The following SORCS1 variants were observed in gnomAD, a reference collection of about 807,000 sequenced individuals.
The protein encoded by SORCS1 is sortilin related VPS10 domain containing receptor 1.
Under a neutral mutation model 146.1 loss-of-function variants are expected in SORCS1, and 60 were observed. The ratio of observed to expected loss-of-function variants is 0.41; its 90% CI spans 0.33 to 0.51. SORCS1 has a LOEUF of 0.51. Among genes scored for constraint, SORCS1 ranks in the 20% least tolerant of loss-of-function variants. The pLI, the probability that SORCS1 is intolerant of heterozygous loss-of-function variation, is 0.21. For synonymous variants in SORCS1, 637 were observed against 584.0 expected (o/e 1.09, Z -1.31); for missense variants, 1,352 against 1,487.6 (o/e 0.91, Z 1.50).
chr10:106,949,437 A>G (rs822095), intron 2 of SORCS1, among the ~76,000 whole-genome samples: 115,014 of 151,996 alleles, frequency 0.76, 44,203 homozygotes, highest in African/African-American at 0.9. Context: ...TAACAAACAC[A>G]CAGGTGAGTT....
At chr10:106,655,311 ATGACCAG>A in intron 17 of SORCS1, among the ~76,000 whole-genome samples, 1 of 152,330 alleles carries the variant, frequency 6.6e-6, no homozygotes, top group South Asian at 2.1e-4. Context: ...TAGCAAAAAA[ATGACCAG>A]TGATGTCACC....
chr10:106,780,876 C>T (rs990645125), intron 3 of SORCS1, among the ~76,000 whole-genome samples: 1 of 152,140 alleles, frequency 6.6e-6, no homozygotes, highest in Non-Finnish European at 1.5e-5. Flanking sequence ...AGCAATCATT[C>T]ATCACCCACT....
chr10:106,847,872 A>G (rs980720854), intron 2 of SORCS1, among the ~76,000 whole-genome samples: 4 of 149,618 alleles, frequency 2.7e-5, no homozygotes, highest in African/African-American at 5.0e-5. Context: ...CAGGTTGTTC[A>G]GTTTCCATGT....
Position 106,956,513 on chromosome 10 carries a change from C to T in SORCS1, c.626G>A (p.Arg209Lys). The T allele has an allele frequency of 6.2e-7, 1 of 1,613,886 alleles. No homozygotes were observed. The highest frequency in any genetic ancestry group is 8.5e-7 in the Non-Finnish European group (1 of 1,179,814). ...LGSITESSLWRSTDYGTTYEK... is the reference protein window; with the variant it reads ...LGSITESSLWKSTDYGTTYEK... ...TTATTAGCTCCATTTATCTACATAC[C>T]TCCAAAGCGAGCTCTCTGTGATGCT... is the stretch of plus-strand genomic sequence containing the variant. Residue 209 changes from arginine to lysine, a missense_variant and splice_region_variant, in exon 2 of 26, where the codon AGG becomes AAG. This residue lies in a region of SORCS1 where 490 missense variants were observed against 489.1 expected (regional missense o/e 1.00). Coordinates refer to ENST00000263054, the MANE Select transcript of SORCS1 (RefSeq NM_052918.5).
chr10:107,055,573 T>G (rs1024513572), intron 1 of SORCS1, among the ~76,000 whole-genome samples: 2 of 152,274 alleles, frequency 1.3e-5, no homozygotes, highest in Non-Finnish European at 2.9e-5. Flanking sequence ...GTAAGTGTGC[T>G]CTGCAGGATT....
rs531371997 is a variant in SORCS1, at chr10:106,948,918, G to A, written c.626+7595C>T. 3.7e-3 allele frequency among the ~76,000 whole-genome samples: 562 copies of A among 151,960 alleles called. 3 individuals carry two copies. Among genetic ancestry groups the A allele is most frequent in the Non-Finnish European group, 5.9e-3 (403 of 67,992 alleles). ...GGAGCTTGCAGTAAGCTGAGATCAC[G>A]CCACTGCACTTCAACCTAGGAGACA... On this transcript the variant is annotated intron_variant, in intron 2 of 25. Coordinates refer to ENST00000263054, the MANE Select transcript of SORCS1 (RefSeq NM_052918.5).
the SORCS1 span, among the ~76,000 whole-genome samples, chr10:107,171,514 C>T: frequency 7.7e-5 from 9 of 117,288 alleles, no homozygotes; most frequent in African/African-American, 9.6e-5. Flanking sequence ...GGGAATCCCC[C>T]TTTTTTTTTT....
At chr10:106,623,941 C>T (rs897876352) in intron 19 of SORCS1, among the ~76,000 whole-genome samples, 6 of 151,974 alleles carry the variant, frequency 3.9e-5, no homozygotes, top group Non-Finnish European at 7.4e-5. Flanking sequence ...ACCTCGGCCC[C>T]CCCAAAGTGC....
intron 17 of SORCS1, among the ~76,000 whole-genome samples, chr10:106,661,166 T>C (rs1196126887): frequency 6.6e-6 from 1 of 152,236 alleles, no homozygotes; most frequent in African/African-American, 2.4e-5. Context: ...CATACTGAGA[T>C]ATTTATAGAT....
chr10:106,606,381 G>C (rs1202052345), intron 23 of SORCS1, among the ~76,000 whole-genome samples: 3 of 151,898 alleles, frequency 2.0e-5, no homozygotes, highest in Non-Finnish European at 4.4e-5. Context: ...GGGCAGTAGA[G>C]TTGCTCGGGA....
At chr10:106,764,795 G>A (rs889960155) in intron 4 of SORCS1, among the ~76,000 whole-genome samples, 5 of 152,116 alleles carry the variant, frequency 3.3e-5, no homozygotes, top group East Asian at 1.9e-4. Context: ...AGGGCGAGGC[G>A]GGCGGATCAC....
At chr10:107,084,656 T>C (rs568620300) in intron 1 of SORCS1, among the ~76,000 whole-genome samples, 1 of 152,270 alleles carries the variant, frequency 6.6e-6, no homozygotes, top group South Asian at 2.1e-4. Context: ...TAGTTACAAA[T>C]GCAAGCTAAT....
At chr10:106,812,899 C>T (rs1177660143) in intron 3 of SORCS1, among the ~76,000 whole-genome samples, 1 of 151,904 alleles carries the variant, frequency 6.6e-6, no homozygotes, top group Non-Finnish European at 1.5e-5. Flanking sequence ...TGATCAGAGC[C>T]CATGAAAAAA....
intron 3 of SORCS1, among the ~76,000 whole-genome samples, chr10:106,825,442 T>G (rs542942708): frequency 6.6e-6 from 1 of 151,908 alleles, no homozygotes; most frequent in East Asian, 1.9e-4. Context: ...TGGCTAATTA[T>G]TTTGTATTTT....
rs1844555459 is a variant in SORCS1 at position 106,575,910 on chromosome 10, C to T, written c.*1510G>A. 1.3e-5 allele frequency: 2 copies of T among 152,596 alleles called. No homozygotes were observed. Among genetic ancestry groups the T allele is most frequent in the South Asian group, 4.1e-4 (2 of 4,824 alleles). 9.5% of individuals were successfully genotyped at this position (152,596 alleles called of 1,614,324 possible). A position where few individuals can be genotyped will look rare whatever the true frequency, so the allele number is the denominator to read the frequency against. On this transcript the variant is annotated 3_prime_UTR_variant, in exon 26 of 26. Coordinates refer to ENST00000263054, the MANE Select transcript of SORCS1 (RefSeq NM_052918.5). ...AGTGGAAATACCAGGTAACAGCAAC[C>T]GTCACAGGAGGAAATTGCCCTGCGA...
chr10:106,791,501 AC>A (rs1462491092), intron 3 of SORCS1, among the ~76,000 whole-genome samples: 3 of 152,130 alleles, frequency 2.0e-5, no homozygotes, highest in African/African-American at 7.2e-5. Context: ...AAAGATCGAG[AC>A]CAACCTGGCC....
intron 2 of SORCS1, among the ~76,000 whole-genome samples, chr10:106,901,905 A>T (rs1482040386): frequency 6.6e-6 from 1 of 152,108 alleles, no homozygotes; most frequent in Non-Finnish European, 1.5e-5. Flanking sequence ...TTAGCCAGGC[A>T]TGGTGGCGGG....
intron 3 of SORCS1, among the ~76,000 whole-genome samples, chr10:106,810,729 G>C (rs1947414755): frequency 6.6e-6 from 1 of 152,100 alleles, no homozygotes; most frequent in Admixed American, 6.5e-5. Context: ...AAGAGCAGAG[G>C]GGAAAGTGCT....
At chr10:107,123,016 T>A (rs1268635311) in intron 1 of SORCS1, among the ~76,000 whole-genome samples, 1 of 148,236 alleles carries the variant, frequency 6.7e-6, no homozygotes, top group Admixed American at 6.8e-5. Context: ...ACCCACAATT[T>A]CCCCTTTCTT....
Sources: gnomAD v4.1 joint callset for allele counts (sites outside exome capture counted in the v4.1 genomes callset) on GRCh38, gnomAD v4.1.1 for gene constraint, gnomAD v4.1.1 regional missense constraint, MANE v1.5 for transcripts, NCBI Gene and HGNC (gene_info 2026-07-23, HGNC 2026-07-21) for gene names.